The following ADAM29 variants were observed in gnomAD, a reference collection of about 807,000 sequenced individuals.
ADAM29 encodes the protein disintegrin and metalloproteinase domain-containing protein 29.
For synonymous variants in ADAM29, 367 were observed against 342.3 expected (o/e 1.07, Z -0.80); for missense variants, 969 against 1,001.8 (o/e 0.97, Z 0.44).
At chr4:174,928,207 G>C (rs566220040) in intron 2 of ADAM29, among the ~76,000 whole-genome samples, 3 of 152,006 alleles carry the variant, frequency 2.0e-5, no homozygotes, top group African/African-American at 7.2e-5. Context: ...CAGTCCTGCC[G>C]GGCTACCTCC....
intron 4 of ADAM29, among the ~76,000 whole-genome samples, chr4:174,946,596 A>C (rs1053330671): frequency 6.6e-6 from 1 of 152,108 alleles, no homozygotes; most frequent in Non-Finnish European, 1.5e-5. Context: ...GGATGCTTCC[A>C]GGTTTTTCCC....
In ADAM29 at chr4:174,975,532, A is replaced by G. The variant is rs1250271943; in HGVS notation, c.7A>G (p.Met3Val). Reference sequence around the variant, plus strand: ...ATTTGAAGCCTTTTTGAACATGAAGATGTTACTCCTGCTGCATTGCCTTGG... The same window carrying G: ...ATTTGAAGCCTTTTTGAACATGAAGGTGTTACTCCTGCTGCATTGCCTTGG... MK[M>V]LLLLHCLGVF... Residue 3 changes from methionine to valine, a missense_variant, in exon 5 of 5, where the codon ATG (methionine) becomes GTG (valine). Met to Val is a conservative substitution (Grantham distance 21). Coordinates refer to ENST00000359240, the MANE Select transcript of ADAM29 (RefSeq NM_014269.4). 10 of 1,505,428 alleles carry G rather than the reference A, an allele frequency of 6.6e-6. No individual in the cohort carries two copies. The highest frequency in any genetic ancestry group is 8.0e-6 in the Non-Finnish European group (9 of 1,126,780). The allele number at this position is 1,505,428 out of a possible 1,614,324, so 93.3% of individuals were successfully genotyped here.
intron 4 of ADAM29, among the ~76,000 whole-genome samples, chr4:174,937,430 C>G (rs1381375163): frequency 6.6e-6 from 1 of 151,932 alleles, no homozygotes; most frequent in Non-Finnish European, 1.5e-5. Context: ...TTATTTTACT[C>G]TTTTTCAGTT....
intron 1 of ADAM29, among the ~76,000 whole-genome samples, chr4:174,919,191 ATT>A (rs1431177774): frequency 6.6e-6 from 1 of 152,084 alleles, no homozygotes. Context: ...GGGGACTAAA[ATT>A]TTTTCTCAAA....
intron 4 of ADAM29, among the ~76,000 whole-genome samples, chr4:174,953,049 G>T (rs984601499): frequency 6.6e-6 from 1 of 152,144 alleles, no homozygotes; most frequent in African/African-American, 2.4e-5. Flanking sequence ...CACTTTGGGA[G>T]GCCAAGGCAG....
chr4:174,925,929 C>A (rs924485484), intron 2 of ADAM29, among the ~76,000 whole-genome samples: 11 of 152,142 alleles, frequency 7.2e-5, no homozygotes, highest in Admixed American at 7.2e-4. Flanking sequence ...GATATGGGAT[C>A]ACACAATAAC....
chr4:174,974,124 A>G (rs559432782), intron 4 of ADAM29, among the ~76,000 whole-genome samples: 1 of 152,312 alleles, frequency 6.6e-6, no homozygotes, highest in African/African-American at 2.4e-5. Flanking sequence ...TGGGCCTGCC[A>G]AGTCTGAAAT....
intron 2 of ADAM29, among the ~76,000 whole-genome samples, chr4:174,923,156 G>A (rs4695983): frequency 0.92 from 139,477 of 151,940 alleles, 64,038 homozygotes; most frequent in East Asian, 0.96. Flanking sequence ...CCCGAGTTCA[G>A]GTGATTCTCC....
intron 4 of ADAM29, among the ~76,000 whole-genome samples, chr4:174,941,597 G>C (rs1299578531): frequency 6.6e-6 from 1 of 152,066 alleles, no homozygotes; most frequent in South Asian, 2.1e-4. Context: ...CTCACTCACT[G>C]TCATGGGAAC....
intron 4 of ADAM29, among the ~76,000 whole-genome samples, chr4:174,956,845 C>G (rs1217380237): frequency 6.6e-6 from 1 of 151,726 alleles, no homozygotes; most frequent in Admixed American, 6.6e-5. Context: ...TTATTAATTA[C>G]TTAGTTAAGC....
At chr4:174,952,848 A>G (rs956168660) in intron 4 of ADAM29, among the ~76,000 whole-genome samples, 3 of 152,218 alleles carry the variant, frequency 2.0e-5, no homozygotes, top group African/African-American at 7.2e-5. Flanking sequence ...TAATCTTAAT[A>G]TAATCTGAGT....
chr4:174,957,542 A>T lies in ADAM29; in HGVS notation c.-180-17804A>T, dbSNP rs187886543. On this transcript the variant is annotated intron_variant, in intron 4 of 4. Transcript: ENST00000359240. The stretch of plus-strand genomic sequence containing the variant: ...TTGCACCAGTTTCTGTGTATCTAGG[A>T]GTAAGAAATAAAGAAATCCTAGTAA... Among the ~76,000 whole-genome samples the T allele has an allele frequency of 2.0e-5, 3 of 151,912 alleles. No individual in the cohort carries two copies. The East Asian group carries it at 5.8e-4, about 29-fold the overall frequency.
At chr4:174,939,267 C>A (rs1474748527) in intron 4 of ADAM29, among the ~76,000 whole-genome samples, 1 of 152,128 alleles carries the variant, frequency 6.6e-6, no homozygotes, top group East Asian at 1.9e-4. Flanking sequence ...ACTTTCTTTT[C>A]CATTTCCTTT....
At chr4:174,946,810 T>C (rs1424534961) in intron 4 of ADAM29, among the ~76,000 whole-genome samples, 2 of 152,080 alleles carry the variant, frequency 1.3e-5, no homozygotes, top group South Asian at 2.1e-4. Flanking sequence ...ATAGTTTCAT[T>C]AGAAATGGTA....
intron 4 of ADAM29, among the ~76,000 whole-genome samples, chr4:174,958,727 T>C (rs66999168): frequency 0.45 from 63,159 of 139,456 alleles, 13,692 homozygotes; most frequent in African/African-American, 0.56. Flanking sequence ...CTTGTTCTAC[T>C]TTTTTTGTTT....
At chr4:174,962,318 T>C (rs564029307) in intron 4 of ADAM29, among the ~76,000 whole-genome samples, 35 of 152,188 alleles carry the variant, frequency 2.3e-4, no homozygotes, top group East Asian at 3.9e-4. Flanking sequence ...AAGACCATCC[T>C]GGCTAACACG....
intron 2 of ADAM29, among the ~76,000 whole-genome samples, chr4:174,921,085 AAAACTAG>A: frequency 6.6e-6 from 1 of 152,280 alleles, no homozygotes; most frequent in East Asian, 1.9e-4. Flanking sequence ...CTACAGTAAG[AAAACTAG>A]AATAATAAGC....
chr4:174,936,586 T>C (rs1443620899), intron 3 of ADAM29, among the ~76,000 whole-genome samples: 2 of 152,010 alleles, frequency 1.3e-5, no homozygotes, highest in African/African-American at 4.8e-5. Context: ...AGTTAAAAAC[T>C]ACCTATGTAT....
intron 4 of ADAM29, among the ~76,000 whole-genome samples, chr4:174,971,825 T>A (rs1343270320): frequency 6.6e-6 from 1 of 152,136 alleles, no homozygotes; most frequent in Non-Finnish European, 1.5e-5. Flanking sequence ...GATACTTCCT[T>A]AATGCTTATA....
Sources: gnomAD v4.1 joint callset for allele counts (sites outside exome capture counted in the v4.1 genomes callset) on GRCh38, gnomAD v4.1.1 for gene constraint, MANE v1.5 for transcripts, NCBI Gene and HGNC (gene_info 2026-07-23, HGNC 2026-07-21) for gene names.